Variants in BLOC1S3 observed in about 807,000 individuals in gnomAD.
The protein encoded by BLOC1S3 is biogenesis of lysosomal organelles complex 1 subunit 3, also known as biogenesis of lysosome-related organelles complex 1 subunit 3.
In BLOC1S3, 7 loss-of-function variants were observed where a neutral mutation model predicts 9.1. The observed-to-expected ratio is 0.77, with a 90% CI of 0.44 to 1.45. The LOEUF (loss-of-function observed/expected upper bound fraction) is 1.45. Among genes scored for constraint, BLOC1S3 ranks in the 40% most tolerant of loss-of-function variants. The probability of loss-of-function intolerance (pLI) is 0.01; values close to 1 mark genes in which losing one functional copy is unlikely to be tolerated. For synonymous variants in BLOC1S3, 145 were observed against 158.4 expected (o/e 0.92, Z 0.64); for missense variants, 307 against 315.2 (o/e 0.97, Z 0.20).
rs1215441802 is a variant in BLOC1S3 at position 45,179,392 on chromosome 19, CTCG to C, written c.100_102del (p.Ser34del). On this transcript the variant is annotated inframe_deletion, in exon 2 of 2. Transcript: ENST00000433642. This position sits in a 1 kb window ranked among gnomAD's most constrained non-coding sequence, Gnocchi z 4.6. ...AGACGGATTCCGAGCGCTCTGCGTC[CTCG>C]TCGGAGGAGGAGGAGCTGTACCTGG... is the stretch of plus-strand genomic sequence containing the variant. 7.0e-6 allele frequency: 11 copies of C among 1,578,084 alleles called. No individual in the cohort carries two copies. Among genetic ancestry groups the C allele is most frequent in the Non-Finnish European group, 9.4e-6 (11 of 1,170,208 alleles).
At chr19:45,213,185 GACA>G in intron 3 of BLOC1S3, 1 of 1,606,350 alleles carries the variant, frequency 6.2e-7, no homozygotes, top group Non-Finnish European at 8.5e-7. Flanking sequence ...GGGAGGCTGA[GACA>G]GAAAGATGGG....
chr19:45,214,367 T>C (rs187175824), intron 3 of BLOC1S3, among the ~76,000 whole-genome samples: 3 of 152,308 alleles, frequency 2.0e-5, no homozygotes, highest in Admixed American at 6.5e-5. Context: ...AGGACTGGCG[T>C]TGCTCCGGCA....
downstream of BLOC1S3, chr19:45,216,958 G>A (rs1208041389): frequency 6.7e-6 from 1 of 149,678 alleles, no homozygotes; most frequent in African/African-American, 2.4e-5. Flanking sequence ...TAATTCCAGG[G>A]TTTAGAAATG....
chr19:45,212,422 T>C (rs11083767), intron 3 of BLOC1S3, among the ~76,000 whole-genome samples: 38,910 of 151,916 alleles, frequency 0.26, 6,396 homozygotes, highest in Middle Eastern at 0.48. Flanking sequence ...CCTTAATACA[T>C]TGGATTGGGG....
At position 45,209,575 on chromosome 19, in the gene BLOC1S3, C is replaced by CT. The variant is rs1175034055; in HGVS notation, n.282+7069dup. Among the ~76,000 whole-genome samples the CT allele has an allele frequency of 2.0e-5, 3 of 152,122 alleles. No homozygotes were observed. The East Asian group carries it at 5.8e-4, about 29-fold the overall frequency. ...TAGCTGGGACTACAGGCGCCTGCCA[C>CT]TACGCCCAGCTAATTTTTTGTATTT... On this transcript the variant is annotated intron_variant and non_coding_transcript_variant, in intron 3 of 3. Transcript: ENST00000591569.
At chr19:45,184,634 C>T (rs1305217767), downstream of BLOC1S3, among the ~76,000 whole-genome samples, 2 of 152,124 alleles carry the variant, frequency 1.3e-5, no homozygotes, top group Admixed American at 6.6e-5. Flanking sequence ...GGCGTGGTGG[C>T]TCACGCCTGT....
intron 2 of BLOC1S3, among the ~76,000 whole-genome samples, chr19:45,198,266 C>A (rs1599753900): frequency 1.3e-5 from 2 of 152,174 alleles, no homozygotes; most frequent in South Asian, 2.1e-4. Flanking sequence ...TAACTTAGAA[C>A]CATATGGGGA....
At chr19:45,212,383 A>C (rs1969782808) in intron 3 of BLOC1S3, among the ~76,000 whole-genome samples, 2 of 152,126 alleles carry the variant, frequency 1.3e-5, no homozygotes, top group African/African-American at 4.8e-5. Flanking sequence ...TGTTAAATAG[A>C]AACCTCTTTA....
intron 3 of BLOC1S3, among the ~76,000 whole-genome samples, chr19:45,211,980 T>C (rs1356850803): frequency 6.6e-6 from 1 of 152,020 alleles, no homozygotes; most frequent in Non-Finnish European, 1.5e-5. Context: ...ACCCCGAGAC[T>C]TTCCTGCGTC....
At chr19:45,193,948 A>G (rs548234349) in intron 2 of BLOC1S3, among the ~76,000 whole-genome samples, 44 of 96,874 alleles carry the variant, frequency 4.5e-4, no homozygotes, top group African/African-American at 1.0e-3. Context: ...GACTACAGGC[A>G]CCCACCACCA....
At chr19:45,194,981 G>C (rs915833822) in intron 2 of BLOC1S3, among the ~76,000 whole-genome samples, 1 of 150,040 alleles carries the variant, frequency 6.7e-6, no homozygotes, top group Non-Finnish European at 1.5e-5. Flanking sequence ...GCCCAGGCTG[G>C]AGTGCAATGA....
At chr19:45,211,373 G>A (rs1025060712) in intron 3 of BLOC1S3, among the ~76,000 whole-genome samples, 1 of 151,702 alleles carries the variant, frequency 6.6e-6, no homozygotes, top group Non-Finnish European at 1.5e-5. Flanking sequence ...GGTGGTGGAG[G>A]GGGGGCACCT....
intron 3 of BLOC1S3, among the ~76,000 whole-genome samples, chr19:45,206,462 T>TTTTTTTTTTTTTG (rs970984062): frequency 0.05 from 5,706 of 114,712 alleles, 799 homozygotes; most frequent in Non-Finnish European, 0.06. Flanking sequence ...TTTTTTTTTT[T>TTTTTTTTTTTTTG]TTTTTTTTTT....
intron 2 of BLOC1S3, among the ~76,000 whole-genome samples, chr19:45,201,218 A>AT (rs1472606621): frequency 2.0e-5 from 3 of 147,018 alleles, no homozygotes; most frequent in Admixed American, 6.8e-5. Context: ...AAAAAAAAAA[A>AT]GGAATCTTAG....
Position 45,180,122 on chromosome 19 carries a change from T to G in BLOC1S3, c.*217T>G. The G allele has an allele frequency of 1.2e-5, 6 of 489,594 alleles. No homozygotes were observed. The highest frequency in any genetic ancestry group is 1.4e-5 in the Non-Finnish European group (4 of 277,266). The allele number at this position is 489,594 out of a possible 1,614,324, so 30.3% of individuals were successfully genotyped here. On this transcript the variant is annotated 3_prime_UTR_variant, in exon 2 of 2. Transcript: ENST00000433642. Reference sequence around the variant, plus strand: ...AGGGCCCCACTATCCTTAGATCTGGTTCCTCTCCCGATCCTGACCCTGCCG... The same window carrying G: ...AGGGCCCCACTATCCTTAGATCTGGGTCCTCTCCCGATCCTGACCCTGCCG...
chr19:45,212,536 T>C (rs1394876277), intron 3 of BLOC1S3: 1 of 151,262 alleles, frequency 6.6e-6, no homozygotes, highest in Non-Finnish European at 1.5e-5. Context: ...GGGGAGGTGC[T>C]GGGAACAGGC....
At position 45,181,549 on chromosome 19, in the gene BLOC1S3, C is replaced by T. The variant is rs114644261; in HGVS notation, c.*1644C>T. ...GTGTGGATTTCACTACATTTGGCTCCTGGATGCTATAAAAGGACTTGGATT... is the reference window on the plus strand; with the variant it reads ...GTGTGGATTTCACTACATTTGGCTCTTGGATGCTATAAAAGGACTTGGATT... On this transcript the variant is annotated 3_prime_UTR_variant, in exon 2 of 2. Transcript: ENST00000433642. 3.0e-5 allele frequency: 5 copies of T among 167,230 alleles called. No homozygotes were observed. The highest frequency in any genetic ancestry group is 1.2e-4 in the African/African-American group (5 of 41,586). 10.4% of individuals were successfully genotyped at this position (167,230 alleles called of 1,614,324 possible).
chr19:45,181,870 G>A (rs1969525898), downstream of BLOC1S3: 1 of 166,016 alleles, frequency 6.0e-6, no homozygotes, highest in South Asian at 2.1e-4. Flanking sequence ...TCTGAGAATG[G>A]GGGTCCCGAG....
chr19:45,211,380 A>G (rs970382259), intron 3 of BLOC1S3, among the ~76,000 whole-genome samples: 1 of 150,874 alleles, frequency 6.6e-6, no homozygotes, highest in African/African-American at 2.4e-5. Context: ...GAGGGGGGGC[A>G]CCTGTAATCC....
Sources: allele counts gnomAD v4.1 joint callset (sites outside exome capture counted in the v4.1 genomes callset), GRCh38; gene constraint gnomAD v4.1.1; non-coding constraint Gnocchi (gnomAD v3.1); transcripts MANE v1.5; gene names NCBI Gene and HGNC (gene_info 2026-07-23, HGNC 2026-07-21).